SPTLC2: variants seen among roughly 807,000 people sequenced by gnomAD.
The protein encoded by SPTLC2 is serine palmitoyltransferase 2.
In SPTLC2, 21 loss-of-function variants were observed where a neutral mutation model predicts 62.0. The ratio of observed to expected loss-of-function variants is 0.34; its 90% CI spans 0.24 to 0.49. The LOEUF (loss-of-function observed/expected upper bound fraction) is 0.49, where lower values mean the gene tolerates loss of function less well. Ranked by LOEUF, SPTLC2 falls within the 20% of genes least tolerant of loss-of-function variation. SPTLC2 has a pLI of 0.99. For synonymous variants in SPTLC2, 261 were observed against 261.8 expected, an observed-to-expected ratio of 1.00 and a Z score of 0.03; for missense variants, 511 against 713.0, an observed-to-expected ratio of 0.72 and a Z score of 3.23.
At chr14:77,532,099 G>T (rs1003414687) in intron 9 of SPTLC2, among the ~76,000 whole-genome samples, 2 of 152,096 alleles carry the variant, frequency 1.3e-5, no homozygotes. Context: ...AATATTACAG[G>T]TGTGGGCTCA....
chr14:77,609,155 A>G (rs2079921513), intron 1 of SPTLC2, among the ~76,000 whole-genome samples: 1 of 152,016 alleles, frequency 6.6e-6, no homozygotes, highest in Admixed American at 6.6e-5. Context: ...AAGATCTGAC[A>G]TGTTTAAGTA....
intron 2 of SPTLC2, among the ~76,000 whole-genome samples, chr14:77,592,491 T>C (rs1245535992): frequency 6.6e-6 from 1 of 152,152 alleles, no homozygotes; most frequent in East Asian, 1.9e-4. Context: ...TTCCTAGTAA[T>C]GTATTTGAAT....
In SPTLC2 at chr14:77,549,667, T is replaced by C. The variant is rs112933098; in HGVS notation, c.1303+2429A>G. ...GTGCCCTGACCGAATTCTTGACCTG[T>C]GGCATCTGTGAGCATAATCAGATGG... On this transcript the variant is annotated intron_variant, in intron 9 of 11. Coordinates refer to ENST00000216484, the MANE Select transcript of SPTLC2 (RefSeq NM_004863.4). Among the ~76,000 whole-genome samples, 789 of 152,318 alleles carry C rather than the reference T, an allele frequency of 5.2e-3. 5 individuals are homozygous for C. The highest frequency in any genetic ancestry group is 0.013 in the South Asian group (62 of 4,832).
intron 1 of SPTLC2, among the ~76,000 whole-genome samples, chr14:77,613,675 T>C (rs188028897): frequency 1.3e-5 from 2 of 152,268 alleles, no homozygotes; most frequent in Admixed American, 6.5e-5. Flanking sequence ...TGGTGGGAGA[T>C]GTGAGGAAAA....
At chr14:77,603,557 G>A (rs1439125719) in intron 1 of SPTLC2, among the ~76,000 whole-genome samples, 1 of 152,134 alleles carries the variant, frequency 6.6e-6, no homozygotes, top group Non-Finnish European at 1.5e-5. Context: ...TTTTCAGCAG[G>A]GAAATTCTGA....
In SPTLC2 at chr14:77,521,576, C is replaced by T. The variant is rs2079384996; in HGVS notation, c.1309G>A (p.Glu437Lys). The T allele has an allele frequency of 1.2e-6, 2 of 1,613,996 alleles. No homozygotes were observed. The highest frequency in any genetic ancestry group is 1.7e-5 in the Admixed American group (1 of 60,016). The change falls in exon 10 of 12, where the codon GAG becomes AAG. Residue 437 changes from glutamate (E) to lysine (K), a missense_variant. Coordinates refer to ENST00000216484, the MANE Select transcript of SPTLC2 (RefSeq NM_004863.4). ...MGQDGTSLGK[E>K]CVQQLAENTR... is the part of the protein sequence containing the mutation. ...TTTTCAGCTAACTGTTGTACACACT[C>T]TTTACCTGGAAAGTCACGGTGAGAG... is the stretch of plus-strand genomic sequence containing the variant.
chr14:77,596,418 G>A (rs2079847949), intron 2 of SPTLC2, among the ~76,000 whole-genome samples: 1 of 152,128 alleles, frequency 6.6e-6, no homozygotes, highest in Non-Finnish European at 1.5e-5. Flanking sequence ...CAGAAGAATG[G>A]TGTGAACCCA....
intron 5 of SPTLC2, among the ~76,000 whole-genome samples, chr14:77,564,642 G>C (rs1408676464): frequency 6.6e-6 from 1 of 151,760 alleles, no homozygotes; most frequent in East Asian, 1.9e-4. Flanking sequence ...ACTGGGATAG[G>C]GAAAATATAA....
At chr14:77,549,971 T>G (rs2079547556) in intron 9 of SPTLC2, among the ~76,000 whole-genome samples, 1 of 152,214 alleles carries the variant, frequency 6.6e-6, no homozygotes, top group Non-Finnish European at 1.5e-5. Context: ...GTAAGGTAAG[T>G]GTGCCTATGT....
At chr14:77,564,397 G>GCACA (rs2079632593) in intron 5 of SPTLC2, among the ~76,000 whole-genome samples, 1 of 99,786 alleles carries the variant, frequency 1.0e-5, no homozygotes, top group Non-Finnish European at 1.9e-5. Context: ...CTTTATGCAT[G>GCACA]CATACACACA....
At chr14:77,517,974 C>A in intron 11 of SPTLC2, 64 bp downstream of exon 11, 1 of 1,603,210 alleles carries the variant, frequency 6.2e-7, no homozygotes, top group South Asian at 1.1e-5. Context: ...TTATGAATTT[C>A]ATCTAATATA....
chr14:77,519,370 A>G (rs2079374841), intron 10 of SPTLC2, among the ~76,000 whole-genome samples: 1 of 150,080 alleles, frequency 6.7e-6, no homozygotes, highest in Non-Finnish European at 1.5e-5. Context: ...CCTCTTATTG[A>G]CCTCCCTTAT....
At chr14:77,591,687 C>CTCTTCTG (rs1407376553) in intron 2 of SPTLC2, among the ~76,000 whole-genome samples, 93 of 99,048 alleles carry the variant, frequency 9.4e-4, no homozygotes, top group African/African-American at 3.3e-3. Context: ...CTAAGTAGTG[C>CTCTTCTG]TCTTCTGTAT....
At chr14:77,525,600 A>G (rs1310002505) in intron 9 of SPTLC2, among the ~76,000 whole-genome samples, 4 of 150,356 alleles carry the variant, frequency 2.7e-5, no homozygotes, top group African/African-American at 9.8e-5. Flanking sequence ...GAAAAAAAAA[A>G]AGAAAAATTA....
At chr14:77,515,328 A>T (rs2079353088) in intron 11 of SPTLC2, among the ~76,000 whole-genome samples, 1 of 152,128 alleles carries the variant, frequency 6.6e-6, no homozygotes, top group Admixed American at 6.6e-5. Flanking sequence ...AGGGTCTCCC[A>T]GTCCATTTTT....
rs1406085360 is a variant in SPTLC2, at chr14:77,562,501, C to A, written c.757-12G>T. On this transcript the variant is annotated splice_polypyrimidine_tract_variant and intron_variant, in intron 5 of 11. Transcript: ENST00000216484. ...AGAATCAGGCAACCCTGCAACATCACAGGAACAGAAAGGTAAGAAGCTGGA... is the reference window on the plus strand; with the variant it reads ...AGAATCAGGCAACCCTGCAACATCAAAGGAACAGAAAGGTAAGAAGCTGGA... 6.2e-7 allele frequency: 1 copy of A among 1,611,642 alleles called. No individual in the cohort carries two copies. The highest frequency in any genetic ancestry group is 8.5e-7 in the Non-Finnish European group (1 of 1,177,820).
At chr14:77,516,016 GCA>G (rs1438985092) in intron 11 of SPTLC2, among the ~76,000 whole-genome samples, 4 of 39,642 alleles carry the variant, frequency 1.0e-4, no homozygotes, top group African/African-American at 2.3e-4. Context: ...GCGCGCGCGC[GCA>G]TGTGTGTGTG....
intron 10 of SPTLC2, among the ~76,000 whole-genome samples, chr14:77,518,411 C>CA (rs1396132612): frequency 6.6e-6 from 1 of 152,108 alleles, no homozygotes; most frequent in Non-Finnish European, 1.5e-5. Context: ...GCCTGGGCAA[C>CA]ATGGTGAAAT....
intron 2 of SPTLC2, among the ~76,000 whole-genome samples, chr14:77,587,900 G>A (rs1447988318): frequency 4.0e-5 from 6 of 151,086 alleles, no homozygotes; most frequent in East Asian, 3.9e-4. Flanking sequence ...AATCTATAAC[G>A]TTTTGAATTT....
Sources: allele counts gnomAD v4.1 joint callset (sites outside exome capture counted in the v4.1 genomes callset), GRCh38; gene constraint gnomAD v4.1.1; transcripts MANE v1.5; gene names NCBI Gene and HGNC (gene_info 2026-07-23, HGNC 2026-07-21).